RTRAF: variants seen among roughly 807,000 people sequenced by gnomAD.
RTRAF encodes tRNA-splicing ligase complex subunit RTRAF.
RTRAF carries 14 observed loss-of-function variants against 34.4 expected under a neutral mutation model. The observed-to-expected ratio is 0.41, with a 90% CI of 0.27 to 0.64. The LOEUF (loss-of-function observed/expected upper bound fraction) is 0.64, where lower values mean the gene tolerates loss of function less well. RTRAF is among the 30% of genes least tolerant of loss of function. The probability of loss-of-function intolerance (pLI) is 0.34; values close to 1 mark genes in which losing one functional copy is unlikely to be tolerated. For missense variants in RTRAF, 291 were observed against 288.4 expected, an observed-to-expected ratio of 1.01 and a Z score of -0.06; for synonymous variants, 96 against 95.3, an observed-to-expected ratio of 1.01 and a Z score of -0.04.
In RTRAF at chr14:52,010,089, A is replaced by C. The variant is rs1249182582; in HGVS notation, c.*5573A>C. The C allele has an allele frequency of 1.3e-5, 2 of 152,244 alleles. No homozygotes were observed. The highest frequency in any genetic ancestry group is 2.9e-5 in the Non-Finnish European group (2 of 68,046). 9.4% of individuals were successfully genotyped at this position (152,244 alleles called of 1,614,324 possible). ...TTAAGAGGGCTATTAATTCCTGTTAAGTCAACTGGAATAGAGAAGGATACA... is the reference window on the plus strand; with the variant it reads ...TTAAGAGGGCTATTAATTCCTGTTACGTCAACTGGAATAGAGAAGGATACA... On this transcript the variant is annotated 3_prime_UTR_variant, in exon 8 of 8. Transcript: ENST00000261700.
intron 3 of RTRAF, chr14:51,997,822 G>C (rs549346784): frequency 2.0e-5 from 3 of 151,710 alleles, no homozygotes. Context: ...TTAATCTTAC[G>C]TAACCTATAC....
Position 52,006,856 on chromosome 14 carries a change from T to C in RTRAF, c.*2340T>C. 2.2e-6 allele frequency: 1 copy of C among 447,474 alleles called. No individual in the cohort carries two copies. The highest frequency in any genetic ancestry group is 3.9e-6 in the Non-Finnish European group (1 of 253,780). The allele number at this position is 447,474 out of a possible 1,614,324, so 27.7% of individuals were successfully genotyped here. A position where few individuals can be genotyped will look rare whatever the true frequency, so the allele number is the denominator to read the frequency against. On this transcript the variant is annotated 3_prime_UTR_variant, in exon 8 of 8. Coordinates refer to ENST00000261700, the MANE Select transcript of RTRAF (RefSeq NM_016039.3). ...TAGTAGAGATTCAAACTTTCAATCC[T>C]TTTTTGGAAGACAGGATTGCATTTA...
rs1754386277 is a variant in RTRAF, at chr14:52,006,803, ACCTGT to A, written c.*2291_*2295del. On this transcript the variant is annotated 3_prime_UTR_variant, in exon 8 of 8. Coordinates refer to ENST00000261700, the MANE Select transcript of RTRAF (RefSeq NM_016039.3). ...GTCATAGATTAGCAACTGTAAAATT[ACCTGT>A]CCTATTACTAGTCTCCAGTTTTTAG... 2.4e-6 allele frequency: 2 copies of A among 820,958 alleles called. No homozygotes were observed. The highest frequency in any genetic ancestry group is 3.8e-6 in the Non-Finnish European group (2 of 531,214). The allele number at this position is 820,958 out of a possible 1,614,324, so 50.9% of individuals were successfully genotyped here.
Position 51,989,598 on chromosome 14 carries a change from T to C in RTRAF, c.-42T>C, listed in dbSNP as rs1433201741. The stretch of plus-strand genomic sequence containing the variant: ...CTCCCGCTCCACCTCGCTTCTTCTC[T>C]CCCGGCCGAGGCCCGGGGGACCAGA... On this transcript the variant is annotated 5_prime_UTR_variant, in exon 1 of 8. Transcript: ENST00000261700. The C allele has an allele frequency of 7.0e-6, 11 of 1,563,704 alleles. No homozygotes were observed. In the Admixed American group the frequency reaches 9.3e-5, roughly 13 times the overall value.
intron 6 of RTRAF, 62 bp downstream of exon 6, chr14:52,001,928 T>G: frequency 7.3e-7 from 1 of 1,376,724 alleles, no homozygotes; most frequent in Non-Finnish European, 1.0e-6. Flanking sequence ...TGGCCGTGAT[T>G]TTAAACTTTG....
Position 52,004,553 on chromosome 14 carries a change from A to G in RTRAF, c.*37A>G, listed in dbSNP as rs547252888. 3 of 1,578,696 alleles carry G rather than the reference A, an allele frequency of 1.9e-6. No individual in the cohort carries two copies. Among genetic ancestry groups the G allele is most frequent in the African/African-American group, 2.7e-5 (2 of 73,380 alleles). Reference sequence around the variant, plus strand: ...CTTCAGCTTCTCACCTACTTAGTACAGTTGGGAACCATACACTTCTGGCAT... The same window carrying G: ...CTTCAGCTTCTCACCTACTTAGTACGGTTGGGAACCATACACTTCTGGCAT... On this transcript the variant is annotated 3_prime_UTR_variant, in exon 8 of 8. Transcript: ENST00000261700.
In RTRAF at chr14:52,007,775, G is replaced by A. The variant is rs1566738786; in HGVS notation, c.*3259G>A. 1.3e-6 allele frequency: 2 copies of A among 1,574,624 alleles called. No homozygotes were observed. The highest frequency in any genetic ancestry group is 1.7e-5 in the Admixed American group (1 of 58,072). On this transcript the variant is annotated 3_prime_UTR_variant, in exon 8 of 8. Coordinates refer to ENST00000261700, the MANE Select transcript of RTRAF (RefSeq NM_016039.3). ...TTAGTGCTCACATTCACTGTGATGA[G>A]AGGTTATCTATTTGCATTCCATCAG...
Position 52,005,469 on chromosome 14 carries a change from C to T in RTRAF, c.*953C>T, listed in dbSNP as rs1890733029. The T allele has an allele frequency of 1.3e-6, 2 of 1,585,060 alleles. No individual in the cohort carries two copies. The highest frequency in any genetic ancestry group is 1.7e-6 in the Non-Finnish European group (2 of 1,168,566). The stretch of plus-strand genomic sequence containing the variant: ...GTTCTGATTGTAAACTCCAAGTCTT[C>T]CTTTACATTACTGTACTTACTTTCT... On this transcript the variant is annotated 3_prime_UTR_variant, in exon 8 of 8. Coordinates refer to ENST00000261700, the MANE Select transcript of RTRAF (RefSeq NM_016039.3).
chr14:51,989,660 G>C lies in RTRAF; in HGVS notation c.21G>C (p.Thr7=). The change falls in exon 1 of 8, where the codon ACG becomes ACC. Residue 7 remains threonine (T), a synonymous_variant. Transcript: ENST00000261700. MFRRKL[T]ALDYHNPAGF... ...GGACCATGTTCCGACGCAAGTTGAC[G>C]GCTCTCGACTACCACAACCCCGCCG... is the stretch of plus-strand genomic sequence containing the variant. 6.2e-7 allele frequency: 1 copy of C among 1,606,652 alleles called. No individual in the cohort carries two copies. Among genetic ancestry groups the C allele is most frequent in the Non-Finnish European group, 8.5e-7 (1 of 1,176,962 alleles).
At chr14:51,998,821 T>A (rs1441548772) in intron 4 of RTRAF, among the ~76,000 whole-genome samples, 1 of 151,956 alleles carries the variant, frequency 6.6e-6, no homozygotes, top group African/African-American at 2.4e-5. Context: ...AGTTTTGATT[T>A]GTATTTAATC....
rs932239917 is a variant in RTRAF, at chr14:52,010,060, GTTTT to G, written c.*5546_*5549del. On this transcript the variant is annotated 3_prime_UTR_variant, in exon 8 of 8. Transcript: ENST00000261700. ...TCAGAAAGGCAAGCCTATGCAAAGA[GTTTT>G]TAAGAGGGCTATTAATTCCTGTTAA... 2.0e-5 allele frequency: 3 copies of G among 152,194 alleles called. No individual in the cohort carries two copies. The highest frequency in any genetic ancestry group is 7.2e-5 in the African/African-American group (3 of 41,452). The allele number at this position is 152,194 out of a possible 1,614,324, so 9.4% of individuals were successfully genotyped here.
At chr14:51,995,724 T>A (rs1468644566) in intron 3 of RTRAF, among the ~76,000 whole-genome samples, 3 of 152,166 alleles carry the variant, frequency 2.0e-5, no homozygotes, top group African/African-American at 7.2e-5. Context: ...TTTTTGCTGA[T>A]GCCTCAGACT....
At chr14:51,997,219 T>C (rs1334744205) in intron 3 of RTRAF, among the ~76,000 whole-genome samples, 1 of 151,982 alleles carries the variant, frequency 6.6e-6, no homozygotes, top group Non-Finnish European at 1.5e-5. Context: ...TTTCCCCCAC[T>C]AGTTTTAGCA....
chr14:51,999,891 T>C lies in RTRAF; in HGVS notation c.462+95T>C, dbSNP rs184212981. ...TAACTATTGATATTAAAATTATGGTTGAATGACTAAAATACACAGAAGAAT... is the reference window on the plus strand; with the variant it reads ...TAACTATTGATATTAAAATTATGGTCGAATGACTAAAATACACAGAAGAAT... On this transcript the variant is annotated intron_variant, in intron 5 of 7. Coordinates refer to ENST00000261700, the MANE Select transcript of RTRAF (RefSeq NM_016039.3). 36 of 813,020 alleles carry C rather than the reference T, an allele frequency of 4.4e-5. No individual in the cohort carries two copies. In the East Asian group the frequency reaches 9.4e-4, roughly 21 times the overall value. The allele number at this position is 813,020 out of a possible 1,614,324, so 50.4% of individuals were successfully genotyped here. A position where few individuals can be genotyped will look rare whatever the true frequency, so the allele number is the denominator to read the frequency against.
intron 1 of RTRAF, 90 bp downstream of exon 1, chr14:51,989,790 C>T: frequency 7.4e-7 from 1 of 1,351,812 alleles, no homozygotes; most frequent in Non-Finnish European, 1.0e-6. Flanking sequence ...CCGTCGGGAC[C>T]CTCGGCGGCC....
Position 52,007,627 on chromosome 14 carries a change from C to A in RTRAF, c.*3111C>A. On this transcript the variant is annotated 3_prime_UTR_variant, in exon 8 of 8. Transcript: ENST00000261700. ...CTGCTTGATATATCCTTCCCTCCAC[C>A]CAAACCCCAGAAAGTTCATTTTAAG... The A allele has an allele frequency of 1.6e-6, 1 of 621,602 alleles. No individual in the cohort carries two copies. The highest frequency in any genetic ancestry group is 2.8e-6 in the Non-Finnish European group (1 of 355,950). 38.5% of individuals were successfully genotyped at this position (621,602 alleles called of 1,614,324 possible).
In RTRAF at chr14:52,005,141, CA is replaced by C. The variant is rs1890710024; in HGVS notation, c.*630del. ...TTTCTTGGCCAGAAGGAATCCATGG[CA>C]AAAATCAGGTTTAGAGTCTTAAACT... On this transcript the variant is annotated 3_prime_UTR_variant, in exon 8 of 8. Transcript: ENST00000261700. The C allele has an allele frequency of 5.1e-6, 1 of 197,322 alleles. No homozygotes were observed. The highest frequency in any genetic ancestry group is 1.0e-5 in the Non-Finnish European group (1 of 98,292). 12.2% of individuals were successfully genotyped at this position (197,322 alleles called of 1,614,324 possible).
chr14:52,004,367 G>A lies in RTRAF; in HGVS notation c.586G>A (p.Val196Ile), dbSNP rs764857283. 1.0e-4 allele frequency: 169 copies of A among 1,613,482 alleles called. No individual in the cohort carries two copies. Among genetic ancestry groups the A allele is most frequent in the Non-Finnish European group, 1.4e-4 (165 of 1,179,752 alleles). Reference protein sequence around the residue: ...HILGFDTGDAVLNEAAQILRL... With the variant: ...HILGFDTGDAILNEAAQILRL... The stretch of plus-strand genomic sequence containing the variant: ...GTTCTTTTCTCATAAAACAGATGCA[G>A]TTCTTAATGAAGCTGCTCAAATTCT... The change falls in exon 8 of 8, where the codon GTT becomes ATT. Residue 196 changes from valine (V) to isoleucine (I), a missense_variant. Physicochemically the swap from Val to Ile is conservative, Grantham distance 29 (BLOSUM62 3). Transcript: ENST00000261700.
chr14:51,998,858 A>G (rs1890562705), intron 4 of RTRAF, among the ~76,000 whole-genome samples: 1 of 152,074 alleles, frequency 6.6e-6, no homozygotes, highest in Admixed American at 6.5e-5. Flanking sequence ...GCCTTTTTGA[A>G]TGTGTAAATT....
Sources: gnomAD v4.1 joint callset for allele counts (sites outside exome capture counted in the v4.1 genomes callset) on GRCh38, gnomAD v4.1.1 for gene constraint, MANE v1.5 for transcripts, NCBI Gene and HGNC (gene_info 2026-07-23, HGNC 2026-07-21) for gene names.